The following TMEM255A variants were observed in gnomAD, a reference collection of about 807,000 sequenced individuals.
TMEM255A encodes the protein transmembrane protein 255A.
A neutral mutation model predicts 23.5 loss-of-function variants in TMEM255A; 14 were observed. The ratio of observed to expected loss-of-function variants is 0.60; its 90% CI spans 0.39 to 0.93. TMEM255A has a LOEUF of 0.93. Among genes scored for constraint, TMEM255A ranks in the 40% least tolerant of loss-of-function variants. The pLI, the probability that TMEM255A is intolerant of heterozygous loss-of-function variation, is 0.00. For synonymous variants in TMEM255A, 104 were observed against 100.3 expected, an observed-to-expected ratio of 1.04 and a Z score of -0.22; for missense variants, 233 against 261.7, an observed-to-expected ratio of 0.89 and a Z score of 0.76.
intron 1 of TMEM255A, among the ~76,000 whole-genome samples, chrX:120,306,041 A>C (rs942380950): frequency 8.9e-6 from 1 of 111,926 alleles, no homozygotes; most frequent in African/African-American, 3.3e-5. Flanking sequence ...TTGAACGTTT[A>C]TAGGCATCTA....
intron 1 of TMEM255A, among the ~76,000 whole-genome samples, chrX:120,305,340 C>T (rs1556026831): frequency 9.1e-6 from 1 of 109,877 alleles, no homozygotes; most frequent in Non-Finnish European, 1.9e-5. Flanking sequence ...GAACCGAGCA[C>T]TGTCTCACAC....
At chrX:120,308,009 C>T (rs1202570952) in intron 1 of TMEM255A, among the ~76,000 whole-genome samples, 1 of 112,028 alleles carries the variant, frequency 8.9e-6, no homozygotes, top group African/African-American at 3.3e-5. Context: ...GGGTATTCCC[C>T]CTGGTCAGAG....
rs782793604 is a variant in TMEM255A at position 120,264,309 on chromosome X, C to T, written c.820-3281G>A. On this transcript the variant is annotated intron_variant, in intron 8 of 8. Transcript: ENST00000371369. Reference sequence around the variant, plus strand: ...GAGAAATGAGTGTTGGACAGATGAGCGAGGAGGCAAAGGTAGTCTCAGCTT... The same window carrying T: ...GAGAAATGAGTGTTGGACAGATGAGTGAGGAGGCAAAGGTAGTCTCAGCTT... Among the ~76,000 whole-genome samples, 27 of 111,501 alleles carry T rather than the reference C, an allele frequency of 2.4e-4. No homozygotes were observed. In the East Asian group the frequency reaches 6.5e-3, roughly 27 times the overall value.
Position 120,291,390 on chromosome X carries a change from G to A in TMEM255A, c.265-50C>T, listed in dbSNP as rs185760728. ...CGTCTGTTAGCCTTTCGCACTTGCTGCCTCTGGGGACCAGGCAATCCCCAA... is the reference window on the plus strand; with the variant it reads ...CGTCTGTTAGCCTTTCGCACTTGCTACCTCTGGGGACCAGGCAATCCCCAA... On this transcript the variant is annotated intron_variant, in intron 3 of 8. Coordinates refer to ENST00000371369, the MANE Select transcript of TMEM255A (RefSeq NM_001104544.3). 227 of 1,033,823 alleles carry A rather than the reference G, an allele frequency of 2.2e-4. 2 individuals are homozygous for A. In the Admixed American group the frequency reaches 5.6e-3, roughly 25 times the overall value. 85.2% of individuals were successfully genotyped at this position (1,033,823 alleles called of 1,213,427 possible). A position where few individuals can be genotyped will look rare whatever the true frequency, so the allele number is the denominator to read the frequency against.
chrX:120,299,145 A>C (rs1427711371), intron 2 of TMEM255A, among the ~76,000 whole-genome samples: 1 of 111,188 alleles, frequency 9.0e-6, no homozygotes, highest in African/African-American at 3.3e-5. Flanking sequence ...CAAGATTCAA[A>C]TGTATTTATT....
intron 7 of TMEM255A, among the ~76,000 whole-genome samples, chrX:120,272,582 TC>T (rs782769690): frequency 1.8e-5 from 2 of 110,461 alleles, no homozygotes; most frequent in Admixed American, 1.9e-4. Flanking sequence ...AAGGGGCTCT[TC>T]CCCCTTTGCT....
chrX:120,261,734 TCTTA>T (rs2057682167), intron 8 of TMEM255A, among the ~76,000 whole-genome samples: 1 of 112,227 alleles, frequency 8.9e-6, no homozygotes, highest in Non-Finnish European at 1.9e-5. Context: ...CTTTGTGTTG[TCTTA>T]CTTTGGGAAA....
intron 3 of TMEM255A, among the ~76,000 whole-genome samples, chrX:120,291,617 T>C (rs953351742): frequency 3.0e-4 from 31 of 103,499 alleles, no homozygotes; most frequent in African/African-American, 1.1e-3. Flanking sequence ...TAGCATGCTG[T>C]CCATGAAGGA....
intron 6 of TMEM255A, among the ~76,000 whole-genome samples, chrX:120,279,994 CTTTCTT>C (rs2057826426): frequency 1.7e-5 from 1 of 58,905 alleles, no homozygotes; most frequent in Non-Finnish European, 3.1e-5. Context: ...CTTTCCTTTT[CTTTCTT>C]TTTTTTTTTT....
chrX:120,288,979 G>C (rs1361296091), intron 4 of TMEM255A, among the ~76,000 whole-genome samples: 3 of 111,955 alleles, frequency 2.7e-5, no homozygotes, highest in Non-Finnish European at 5.6e-5. Flanking sequence ...ACATAGAGAA[G>C]GGTGAGTGAG....
chrX:120,302,871 C>G (rs5909698), intron 2 of TMEM255A, among the ~76,000 whole-genome samples: 13,241 of 110,517 alleles, frequency 0.12, 614 homozygotes, highest in South Asian at 0.25. Flanking sequence ...TCTTTAATCT[C>G]CCCTCTCGCT....
Position 120,299,211 on chromosome X carries a change from A to G in TMEM255A, c.201+5138T>C, listed in dbSNP as rs782470062. ...CAGTCTGGAATTCAGTGGTGCAAACAAGGCTCACTCTAGCCTCGAACTCCT... is the reference window on the plus strand; with the variant it reads ...CAGTCTGGAATTCAGTGGTGCAAACGAGGCTCACTCTAGCCTCGAACTCCT... On this transcript the variant is annotated intron_variant, in intron 2 of 8. Coordinates refer to ENST00000371369, the MANE Select transcript of TMEM255A (RefSeq NM_001104544.3). Among the ~76,000 whole-genome samples the G allele has an allele frequency of 3.8e-4, 43 of 112,134 alleles. 1 individual carries two copies. Among genetic ancestry groups the G allele is most frequent in the African/African-American group, 1.3e-3 (40 of 30,865 alleles).
At chrX:120,291,581 A>G (rs781990960) in intron 3 of TMEM255A, among the ~76,000 whole-genome samples, 5 of 103,806 alleles carry the variant, frequency 4.8e-5, no homozygotes, top group Non-Finnish European at 7.9e-5. Context: ...TGTGAGCACC[A>G]AATGAAGAGG....
chrX:120,302,134 AAC>A (rs1603404037), intron 2 of TMEM255A, among the ~76,000 whole-genome samples: 1 of 111,180 alleles, frequency 9.0e-6, no homozygotes, highest in Admixed American at 9.6e-5. Context: ...CTCACACGCA[AAC>A]ACACGCCCCC....
Position 120,304,399 on chromosome X carries a change from T to G in TMEM255A, c.151A>C (p.Thr51Pro), listed in dbSNP as rs782204633. Residue 51 changes from threonine (T) to proline (P), a missense_variant, in exon 2 of 9, where the codon ACC (threonine) becomes CCC (proline). Transcript: ENST00000371369. ...VLILTVGLAA[T>P]TRTQNVTVGG... ...ACAGTCACATTCTGGGTCCTGGTGG[T>G]TGCAGCAAGGCCCACTGTGAGAATT... The G allele has an allele frequency of 8.3e-7, 1 of 1,211,014 alleles. No homozygotes were observed. The highest frequency in any genetic ancestry group is 1.8e-5 in the South Asian group (1 of 56,885).
At chrX:120,285,314 G>A in intron 5 of TMEM255A, 99 bp from the exon 6 acceptor site, 2 of 791,124 alleles carry the variant, frequency 2.5e-6, no homozygotes, top group South Asian at 4.3e-5. Context: ...GAGACAGTAA[G>A]GATGGCTTTG....
rs781866986 is a variant in TMEM255A at position 120,304,692 on chromosome X, A to G, written c.59-201T>C. Among the ~76,000 whole-genome samples, 3 of 111,792 alleles carry G rather than the reference A, an allele frequency of 2.7e-5. No individual in the cohort carries two copies. In the Admixed American group the frequency reaches 2.8e-4, roughly 11 times the overall value. ...TCAGGTGCCACTTTTATAATAAAAT[A>G]TGTATTTCCAATTTGAAAATAAACA... On this transcript the variant is annotated intron_variant, in intron 1 of 8. Transcript: ENST00000371369.
chrX:120,289,251 A>C (rs1478124206), intron 4 of TMEM255A, among the ~76,000 whole-genome samples: 1 of 112,072 alleles, frequency 8.9e-6, no homozygotes, highest in East Asian at 2.8e-4. Context: ...GATTTTCTTA[A>C]ATATTCATCC....
chrX:120,275,856 AATCAT>A (rs1380586193), intron 7 of TMEM255A, among the ~76,000 whole-genome samples: 1 of 97,165 alleles, frequency 1.0e-5, no homozygotes, highest in African/African-American at 3.9e-5. Context: ...GCAGTGGTGC[AATCAT>A]GGCTTACTGC....
Sources: gnomAD v4.1 joint callset for allele counts (sites outside exome capture counted in the v4.1 genomes callset) on GRCh38, gnomAD v4.1.1 for gene constraint, MANE v1.5 for transcripts, NCBI Gene and HGNC (gene_info 2026-07-23, HGNC 2026-07-21) for gene names.